Variants in LRBA observed in about 807,000 individuals in gnomAD.
LRBA encodes LPS responsive beige-like anchor protein, also known as lipopolysaccharide-responsive and beige-like anchor protein.
Under a neutral mutation model 330.0 loss-of-function variants are expected in LRBA, and 176 were observed. The observed-to-expected ratio is 0.53, with a 90% CI of 0.47 to 0.60. LRBA has a LOEUF of 0.60. Among genes scored for constraint, LRBA ranks in the 20% least tolerant of loss-of-function variants. The pLI is 0.00. For missense variants in LRBA, 3,259 were observed against 3,444.8 expected, an observed-to-expected ratio of 0.95 and a Z score of 1.35; for synonymous variants, 1,230 against 1,193.0, an observed-to-expected ratio of 1.03 and a Z score of -0.64.
intron 2 of LRBA, among the ~76,000 whole-genome samples, chr4:150,996,328 C>T (rs922776786): frequency 1.3e-5 from 2 of 152,108 alleles, no homozygotes; most frequent in Non-Finnish European, 2.9e-5. Flanking sequence ...CAAAATAGTA[C>T]TACTCTGATT....
At chr4:150,434,664 C>A (rs1561172064) in intron 46 of LRBA, among the ~76,000 whole-genome samples, 1 of 151,896 alleles carries the variant, frequency 6.6e-6, no homozygotes, top group Non-Finnish European at 1.5e-5. Context: ...CCAGCCTGGG[C>A]AACATAGGGA....
chr4:150,627,060 G>C (rs533759025), intron 37 of LRBA, among the ~76,000 whole-genome samples: 1 of 151,964 alleles, frequency 6.6e-6, no homozygotes, highest in Non-Finnish European at 1.5e-5. Context: ...AAAACAAAAT[G>C]TAAGTTTATG....
intron 40 of LRBA, among the ~76,000 whole-genome samples, chr4:150,555,309 T>C (rs1163310847): frequency 3.3e-5 from 5 of 152,210 alleles, no homozygotes; most frequent in African/African-American, 9.7e-5. Context: ...TAAAACACAG[T>C]AGACCTTAAG....
rs867476352 is a variant in LRBA at position 150,841,753 on chromosome 4, C to T, written c.4569+2347G>A. ...CTGCAAGCTCCGCCTCCCGAGTTCA[C>T]GCCATTCTCCCGCCTCAGCCTCCCG... On this transcript the variant is annotated intron_variant, in intron 28 of 56. Transcript: ENST00000651943. Among the ~76,000 whole-genome samples, 15 of 152,080 alleles carry T rather than the reference C, an allele frequency of 9.9e-5. 1 individual carries two copies. The South Asian group carries it at 2.1e-3, about 21-fold the overall frequency.
chr4:150,928,611 A>G lies in LRBA; in HGVS notation c.454T>C (p.Leu152=), dbSNP rs771057012. The change falls in exon 4 of 57, where the codon TTG becomes CTG. Residue 152 remains leucine, a synonymous_variant. Coordinates refer to ENST00000651943, the MANE Select transcript of LRBA (RefSeq NM_001364905.1). ...EKVDNMIADL[L]VDMLGVLASY... Reference sequence around the variant, plus strand: ...GCCAGCACTCCCAACATGTCAACCAAAAGATCTGGAAACAAAAGAAAACGA... The same window carrying G: ...GCCAGCACTCCCAACATGTCAACCAGAAGATCTGGAAACAAAAGAAAACGA... The G allele has an allele frequency of 6.2e-7, 1 of 1,609,056 alleles. No individual in the cohort carries two copies.
At chr4:150,844,043 C>A (rs1437365335) in intron 28 of LRBA, 57 bp downstream of exon 28, 1 of 1,044,834 alleles carries the variant, frequency 9.6e-7, no homozygotes, top group East Asian at 2.4e-5. Flanking sequence ...ATACATTAGG[C>A]CTAAGAGGAA....
chr4:150,758,659 G>A (rs368801722), intron 35 of LRBA, among the ~76,000 whole-genome samples: 4 of 148,110 alleles, frequency 2.7e-5, no homozygotes, highest in South Asian at 4.2e-4. Context: ...CTGCAGCCTC[G>A]ACCTCCTGGG....
chr4:150,519,290 T>A (rs1762673429), intron 40 of LRBA, among the ~76,000 whole-genome samples: 1 of 152,138 alleles, frequency 6.6e-6, no homozygotes. Flanking sequence ...TTCTAATAAA[T>A]TCAGACACCT....
At chr4:150,954,188 TG>T in intron 2 of LRBA, among the ~76,000 whole-genome samples, 1 of 145,470 alleles carries the variant, frequency 6.9e-6, no homozygotes, top group East Asian at 2.1e-4. Flanking sequence ...GTCCAGAAGG[TG>T]GGGGGCCCCT....
At chr4:150,418,116 T>C (rs1257525609) in intron 46 of LRBA, among the ~76,000 whole-genome samples, 1 of 151,852 alleles carries the variant, frequency 6.6e-6, no homozygotes, top group East Asian at 1.9e-4. Context: ...CCTCAAACTT[T>C]AATCGATCTT....
chr4:150,416,498 G>A (rs1174234184), intron 46 of LRBA, among the ~76,000 whole-genome samples: 1 of 152,156 alleles, frequency 6.6e-6, no homozygotes, highest in Non-Finnish European at 1.5e-5. Flanking sequence ...CATGTGAAAT[G>A]TTGCCTGACT....
At chr4:150,391,001 A>G (rs1477160025) in intron 47 of LRBA, among the ~76,000 whole-genome samples, 1 of 152,118 alleles carries the variant, frequency 6.6e-6, no homozygotes, top group East Asian at 1.9e-4. Context: ...CAGTTTTAGG[A>G]AGCCCAGCTT....
chr4:150,423,612 GA>G, intron 46 of LRBA: 1 of 316,930 alleles, frequency 3.2e-6, no homozygotes, highest in Non-Finnish European at 6.1e-6. Context: ...ACCGAATGGT[GA>G]AATGTCCTCA....
intron 36 of LRBA, among the ~76,000 whole-genome samples, chr4:150,717,336 C>T (rs372495258): frequency 1.3e-5 from 2 of 151,872 alleles, no homozygotes; most frequent in African/African-American, 2.4e-5. Context: ...ATTTTGCTTG[C>T]TAATTGGAAA....
intron 53 of LRBA, among the ~76,000 whole-genome samples, chr4:150,295,835 A>T (rs1279182418): frequency 6.6e-6 from 1 of 152,216 alleles, no homozygotes; most frequent in East Asian, 1.9e-4. Context: ...TTACATGGAC[A>T]TATCATTACT....
At chr4:150,788,100 T>C (rs1739338806) in intron 34 of LRBA, among the ~76,000 whole-genome samples, 3 of 151,982 alleles carry the variant, frequency 2.0e-5, no homozygotes, top group Admixed American at 1.3e-4. Context: ...TGAGACAGAG[T>C]CTCATTCTGT....
At chr4:150,447,466 TC>T (rs895501615) in intron 44 of LRBA, among the ~76,000 whole-genome samples, 116 of 152,296 alleles carry the variant, frequency 7.6e-4, no homozygotes, top group Admixed American at 7.6e-3. Flanking sequence ...TCTCATCTTT[TC>T]CTGTTGTCAG....
At chr4:150,450,888 G>A (rs1275287977) in intron 44 of LRBA, among the ~76,000 whole-genome samples, 1 of 151,988 alleles carries the variant, frequency 6.6e-6, no homozygotes, top group African/African-American at 2.4e-5. Context: ...ACAATTAGCT[G>A]GGCAGGGTGG....
At chr4:150,446,229 G>C (rs892478209) in intron 44 of LRBA, among the ~76,000 whole-genome samples, 1 of 152,144 alleles carries the variant, frequency 6.6e-6, no homozygotes, top group Non-Finnish European at 1.5e-5. Flanking sequence ...AACACAGAGA[G>C]AGCCAGGCAT....
Sources: allele counts gnomAD v4.1 joint callset (sites outside exome capture counted in the v4.1 genomes callset), GRCh38; gene constraint gnomAD v4.1.1; transcripts MANE v1.5; gene names NCBI Gene and HGNC (gene_info 2026-07-23, HGNC 2026-07-21).